SLC4A10: variants seen among roughly 807,000 people sequenced by gnomAD.
SLC4A10 encodes the protein solute carrier family 4 member 10, also known as sodium-driven chloride bicarbonate exchanger.
Under a neutral mutation model 137.7 loss-of-function variants are expected in SLC4A10, and 42 were observed. That is an observed-to-expected ratio of 0.30 (90% CI 0.24 to 0.39). SLC4A10 has a LOEUF of 0.39. SLC4A10 is among the 10% of genes least tolerant of loss of function. The probability of loss-of-function intolerance (pLI) is 1.00; values close to 1 mark genes in which losing one functional copy is unlikely to be tolerated. For synonymous variants in SLC4A10, 474 were observed against 464.1 expected (o/e 1.02, Z -0.27); for missense variants, 925 against 1,355.0 (o/e 0.68, Z 4.98).
intron 4 of SLC4A10, among the ~76,000 whole-genome samples, chr2:161,846,527 T>G (rs2059507124): frequency 6.6e-6 from 1 of 152,170 alleles, no homozygotes; most frequent in African/African-American, 2.4e-5. Flanking sequence ...TGCATGAGTG[T>G]TCACAGCAAA....
rs140596591 is a variant in SLC4A10, at chr2:161,713,902, A to G, written c.49-57071A>G. Among the ~76,000 whole-genome samples, 44 of 152,000 alleles carry G rather than the reference A, an allele frequency of 2.9e-4. No homozygotes were observed. In the East Asian group the frequency reaches 7.5e-3, roughly 26 times the overall value. On this transcript the variant is annotated intron_variant, in intron 1 of 26. Transcript: ENST00000446997. ...TACCTTCCAAGAGCAGATTTCCTTT[A>G]GATGTGACAGCTGGGATGTGACTTT...
At chr2:161,703,761 A>G (rs1008781960) in intron 1 of SLC4A10, among the ~76,000 whole-genome samples, 5 of 151,790 alleles carry the variant, frequency 3.3e-5, no homozygotes, top group African/African-American at 1.2e-4. Flanking sequence ...AGTCATTTGT[A>G]TATTGAGAGG....
chr2:161,843,655 C>CT (rs1404626283), intron 4 of SLC4A10, among the ~76,000 whole-genome samples: 1 of 152,092 alleles, frequency 6.6e-6, no homozygotes, highest in Non-Finnish European at 1.5e-5. Context: ...CCTAATTCAT[C>CT]TAAAAACACT....
At chr2:161,819,713 C>G (rs1200171509) in intron 3 of SLC4A10, among the ~76,000 whole-genome samples, 1 of 152,132 alleles carries the variant, frequency 6.6e-6, no homozygotes, top group Non-Finnish European at 1.5e-5. Flanking sequence ...CCAAGCTGGT[C>G]TCGAACTCCT....
At chr2:161,887,150 C>T (rs563554570) in intron 10 of SLC4A10, among the ~76,000 whole-genome samples, 58 of 152,222 alleles carry the variant, frequency 3.8e-4, no homozygotes, top group African/African-American at 1.1e-3. Flanking sequence ...CATACTATTC[C>T]GTGGTGTATA....
intron 1 of SLC4A10, among the ~76,000 whole-genome samples, chr2:161,692,848 T>C (rs2042130802): frequency 6.6e-6 from 1 of 152,092 alleles, no homozygotes; most frequent in South Asian, 2.1e-4. Flanking sequence ...TTCATTACAA[T>C]TTGACTTTCC....
intron 1 of SLC4A10, among the ~76,000 whole-genome samples, chr2:161,699,467 C>A (rs1048359787): frequency 6.6e-6 from 1 of 151,986 alleles, no homozygotes; most frequent in Non-Finnish European, 1.5e-5. Flanking sequence ...ATTTTAATGG[C>A]CTGAAAAATG....
intron 1 of SLC4A10, among the ~76,000 whole-genome samples, chr2:161,678,913 C>A (rs2105838836): frequency 6.6e-6 from 1 of 152,166 alleles, no homozygotes; most frequent in African/African-American, 2.4e-5. Context: ...TGATTGAAAC[C>A]AATATGAATA....
intron 15 of SLC4A10, among the ~76,000 whole-genome samples, chr2:161,908,702 G>T (rs1685076852): frequency 6.6e-6 from 1 of 150,632 alleles, no homozygotes; most frequent in African/African-American, 2.5e-5. Flanking sequence ...GGAGAAAGCT[G>T]CATAGGCCAG....
rs111733242 is a variant in SLC4A10 at position 161,973,422 on chromosome 2, C to A, written c.3160-827C>A. Among the ~76,000 whole-genome samples, 339 of 152,204 alleles carry A rather than the reference C, an allele frequency of 2.2e-3. 1 individual carries two copies. The highest frequency in any genetic ancestry group is 8.0e-3 in the African/African-American group (332 of 41,520). On this transcript the variant is annotated intron_variant, in intron 23 of 26. Transcript: ENST00000446997. ...ATGGTGGCCATAAGATTATCTTCAT[C>A]CCAAAGATTTAGTTTTAAAATCCTA...
chr2:161,744,614 T>G (rs148666260), intron 1 of SLC4A10, among the ~76,000 whole-genome samples: 6 of 152,270 alleles, frequency 3.9e-5, no homozygotes, highest in African/African-American at 1.4e-4. Context: ...TTAAAGCTAC[T>G]ATGAGGCTTG....
chr2:161,970,572 A>G (rs1698348023), intron 23 of SLC4A10, among the ~76,000 whole-genome samples: 1 of 152,192 alleles, frequency 6.6e-6, no homozygotes, highest in Non-Finnish European at 1.5e-5. Context: ...AAATTGCTGA[A>G]TATTTTCCCT....
At chr2:161,879,373 T>G in intron 9 of SLC4A10, 85 bp downstream of exon 9, 1 of 1,382,544 alleles carries the variant, frequency 7.2e-7, no homozygotes, top group East Asian at 2.4e-5. Context: ...AATTTTCTGT[T>G]AGAGTTTTGA....
intron 1 of SLC4A10, among the ~76,000 whole-genome samples, chr2:161,768,180 A>G (rs918002680): frequency 6.6e-6 from 1 of 151,970 alleles, no homozygotes; most frequent in Non-Finnish European, 1.5e-5. Flanking sequence ...TCAATTATTC[A>G]TTCTTGAACT....
intron 10 of SLC4A10, among the ~76,000 whole-genome samples, chr2:161,890,839 C>A (rs537967039): frequency 1.3e-5 from 2 of 152,054 alleles, no homozygotes; most frequent in Non-Finnish European, 2.9e-5. Flanking sequence ...CATTATAATG[C>A]TAGCTGGTTA....
chr2:161,973,574 A>G (rs1423330829), intron 23 of SLC4A10, among the ~76,000 whole-genome samples: 1 of 152,238 alleles, frequency 6.6e-6, no homozygotes, highest in Non-Finnish European at 1.5e-5. Context: ...AAATGGAGTC[A>G]AACCTTCCAT....
rs540407992 is a variant in SLC4A10, at chr2:161,866,097, A to G, written c.766+3035A>G. Among the ~76,000 whole-genome samples, 166 of 152,146 alleles carry G rather than the reference A, an allele frequency of 1.1e-3. 1 individual carries two copies. The highest frequency in any genetic ancestry group is 3.7e-3 in the African/African-American group (154 of 41,564). ...GTCCCCGTTTCTTGTTTAATGTGCT[A>G]AAATTATCTCAAAAACAAATTGAAG... On this transcript the variant is annotated intron_variant, in intron 6 of 26. Transcript: ENST00000446997.
chr2:161,781,141 A>G (rs978536559), intron 2 of SLC4A10, among the ~76,000 whole-genome samples: 7 of 152,008 alleles, frequency 4.6e-5, no homozygotes, highest in African/African-American at 7.2e-5. Flanking sequence ...AGAACCACAA[A>G]TTTTCAAAGT....
rs527566932 is a variant in SLC4A10, at chr2:161,905,153, C to T, written c.1751+244C>T. On this transcript the variant is annotated intron_variant, in intron 14 of 26. Transcript: ENST00000446997. ...ATCGATAAATCCCTTTTGATTTTGT[C>T]CCTTTAGATGTTCCCTTTAGACCGG... is the stretch of plus-strand genomic sequence containing the variant. Among the ~76,000 whole-genome samples, 33 of 152,146 alleles carry T rather than the reference C, an allele frequency of 2.2e-4. 1 individual carries two copies. In the South Asian group the frequency reaches 6.9e-3, roughly 32 times the overall value.
Sources: allele counts gnomAD v4.1 joint callset (sites outside exome capture counted in the v4.1 genomes callset), GRCh38; gene constraint gnomAD v4.1.1; transcripts MANE v1.5; gene names NCBI Gene and HGNC (gene_info 2026-07-23, HGNC 2026-07-21).